DNAJC13: variants seen among roughly 807,000 people sequenced by gnomAD.
DNAJC13 encodes the protein dnaJ homolog subfamily C member 13.
A neutral mutation model predicts 290.5 loss-of-function variants in DNAJC13; 75 were observed. The ratio of observed to expected loss-of-function variants is 0.26; its 90% confidence interval spans 0.21 to 0.31. The LOEUF is 0.31. DNAJC13 is among the 10% of genes least tolerant of loss of function. The probability of loss-of-function intolerance (pLI) is 1.00; values close to 1 mark genes in which losing one functional copy is unlikely to be tolerated. For synonymous variants in DNAJC13, 862 were observed against 892.0 expected (o/e 0.97, Z 0.60); for missense variants, 2,260 against 2,674.5 (o/e 0.85, Z 3.42).
chr3:132,511,646 T>G (rs1203944508), intron 44 of DNAJC13, among the ~76,000 whole-genome samples: 1 of 152,152 alleles, frequency 6.6e-6, no homozygotes, highest in African/African-American at 2.4e-5. Flanking sequence ...GCACTGATGT[T>G]TTTCAAAAAT....
At chr3:132,433,469 G>T (rs968955815) in intron 1 of DNAJC13, among the ~76,000 whole-genome samples, 5 of 151,932 alleles carry the variant, frequency 3.3e-5, no homozygotes, top group Admixed American at 3.3e-4. Context: ...GAGAGAGAAC[G>T]TCTCACTATG....
At chr3:132,523,468 C>T in intron 50 of DNAJC13, 72 bp from the exon 51 acceptor site, 1 of 1,490,482 alleles carries the variant, frequency 6.7e-7, no homozygotes, top group African/African-American at 1.4e-5. Context: ...ATAAACAATT[C>T]TTTAATATGG....
intron 41 of DNAJC13, 36 bp downstream of exon 41, chr3:132,503,417 T>A: frequency 6.2e-7 from 1 of 1,611,096 alleles, no homozygotes; most frequent in Non-Finnish European, 8.5e-7. Flanking sequence ...TTTTAATCAA[T>A]AGTGCAAGAT....
chr3:132,485,071 A>G (rs114220218), intron 29 of DNAJC13, among the ~76,000 whole-genome samples: 4 of 152,264 alleles, frequency 2.6e-5, no homozygotes, highest in Non-Finnish European at 5.9e-5. Context: ...GCAACAGAGC[A>G]AGACCTTGTC....
At chr3:132,462,956 A>G (rs1253167147) in intron 16 of DNAJC13, among the ~76,000 whole-genome samples, 1 of 152,214 alleles carries the variant, frequency 6.6e-6, no homozygotes, top group Non-Finnish European at 1.5e-5. Context: ...ATTGAGCTCT[A>G]GAGATTGGAG....
At chr3:132,471,105 C>T (rs1426165428) in intron 20 of DNAJC13, among the ~76,000 whole-genome samples, 3 of 136,886 alleles carry the variant, frequency 2.2e-5, no homozygotes, top group Non-Finnish European at 4.9e-5. Context: ...GGCGGCTGGC[C>T]GGGTGGGGGG....
At chr3:132,525,937 G>T in intron 52 of DNAJC13, 148 bp downstream of exon 52, 4 of 1,202,852 alleles carry the variant, frequency 3.3e-6, no homozygotes, top group Non-Finnish European at 3.4e-6. Context: ...TTAGTTCTGG[G>T]TTTATCAAAA....
intron 22 of DNAJC13, among the ~76,000 whole-genome samples, chr3:132,477,356 A>C (rs1254663110): frequency 1.3e-5 from 2 of 152,172 alleles, no homozygotes; most frequent in Non-Finnish European, 2.9e-5. Context: ...TTTGACATAG[A>C]AGGAATTCTT....
At chr3:132,462,700 A>G (rs1016612818) in intron 16 of DNAJC13, among the ~76,000 whole-genome samples, 177 bp downstream of exon 16, 6 of 152,238 alleles carry the variant, frequency 3.9e-5, no homozygotes, top group Admixed American at 1.3e-4. Context: ...ATAATCCTCA[A>G]TAATAAAAGT....
At chr3:132,472,491 A>G in intron 20 of DNAJC13, 1 of 865,764 alleles carries the variant, frequency 1.2e-6, no homozygotes, top group Non-Finnish European at 1.4e-6. Flanking sequence ...GATATAATTT[A>G]GCAGATCTAG....
At position 132,476,109 on chromosome 3, in the gene DNAJC13, T is replaced by A. The variant is rs1185146863; in HGVS notation, c.2445+1024T>A. Among the ~76,000 whole-genome samples the A allele has an allele frequency of 3.9e-5, 6 of 152,142 alleles. No homozygotes were observed. The East Asian group carries it at 1.2e-3, about 29-fold the overall frequency. Reference sequence around the variant, plus strand: ...CCACCATGCCTAGCTAATTTTTGTATTTTTTATGGAGACGAGGTTTCACCA... The same window carrying A: ...CCACCATGCCTAGCTAATTTTTGTAATTTTTATGGAGACGAGGTTTCACCA... On this transcript the variant is annotated intron_variant, in intron 22 of 55. Coordinates refer to ENST00000260818, the MANE Select transcript of DNAJC13 (RefSeq NM_015268.4).
chr3:132,467,371 A>T, intron 20 of DNAJC13, 58 bp downstream of exon 20: 1 of 1,575,106 alleles, frequency 6.3e-7, no homozygotes, highest in South Asian at 1.2e-5. Context: ...AGTCTACTTT[A>T]GTTCCTGCTG....
intron 30 of DNAJC13, 131 bp from the exon 31 acceptor site, chr3:132,488,845 G>T (rs1934969484): frequency 4.6e-6 from 3 of 650,240 alleles, no homozygotes; most frequent in Non-Finnish European, 7.9e-6. Flanking sequence ...AAATAATTTG[G>T]GAATATGGAT....
chr3:132,489,158 G>A (rs952280918), intron 31 of DNAJC13, 137 bp downstream of exon 31: 9 of 619,980 alleles, frequency 1.5e-5, no homozygotes, highest in African/African-American at 1.3e-4. Flanking sequence ...TTCTTACATT[G>A]TTTGTGGTAC....
chr3:132,450,870 A>T, intron 6 of DNAJC13, 23 bp downstream of exon 6: 1 of 1,403,490 alleles, frequency 7.1e-7, no homozygotes. Context: ...TTAAAAAAAA[A>T]AAACACTTTA....
Position 132,492,582 on chromosome 3 carries a change from A to T in DNAJC13, c.3792A>T (p.Thr1264=). ...ATTACCTCAAACAACTGTGTGATAC[A>T]CTCCGGTTTCCAGATTGGCCAATTA... is the stretch of plus-strand genomic sequence containing the variant. ...NIYYLKQLCD[T]LRFPDWPIKD... The change falls in exon 33 of 56, where the codon ACA becomes ACT. Residue 1264 remains threonine, a synonymous_variant. Coordinates refer to ENST00000260818, the MANE Select transcript of DNAJC13 (RefSeq NM_015268.4). 1 of 1,613,528 alleles carries T rather than the reference A, an allele frequency of 6.2e-7. No homozygotes were observed. The highest frequency in any genetic ancestry group is 8.5e-7 in the Non-Finnish European group (1 of 1,179,706).
chr3:132,496,475 T>C, intron 35 of DNAJC13, 53 bp from the exon 36 acceptor site: 1 of 1,474,496 alleles, frequency 6.8e-7, no homozygotes, highest in Non-Finnish European at 9.1e-7. Flanking sequence ...CTTGTTTAAG[T>C]TGAATTTTGC....
At chr3:132,521,806 C>G (rs1049286967) in intron 48 of DNAJC13, among the ~76,000 whole-genome samples, 3 of 152,158 alleles carry the variant, frequency 2.0e-5, no homozygotes, top group Non-Finnish European at 2.9e-5. Flanking sequence ...TGTGAAACCT[C>G]TTGTTGAGTT....
intron 9 of DNAJC13, among the ~76,000 whole-genome samples, chr3:132,455,905 T>C (rs1933582560): frequency 6.6e-6 from 1 of 152,252 alleles, no homozygotes; most frequent in Non-Finnish European, 1.5e-5. Flanking sequence ...TACAGTTGTA[T>C]AAATTTATTA....
Sources: allele counts gnomAD v4.1 joint callset (sites outside exome capture counted in the v4.1 genomes callset), GRCh38; gene constraint gnomAD v4.1.1; transcripts MANE v1.5; gene names NCBI Gene and HGNC (gene_info 2026-07-23, HGNC 2026-07-21).